The following NKIRAS1 variants were observed in gnomAD, a reference collection of about 807,000 sequenced individuals.
NKIRAS1 encodes NF-kappa-B inhibitor-interacting Ras-like protein 1.
Under a neutral mutation model 19.8 loss-of-function variants are expected in NKIRAS1, and 16 were observed. That is an observed-to-expected ratio of 0.81 (90% CI 0.55 to 1.23). NKIRAS1 has a LOEUF of 1.23. NKIRAS1 is among the 50% of genes most tolerant of loss of function. The probability of loss-of-function intolerance (pLI) is 0.00; values close to 1 mark genes in which losing one functional copy is unlikely to be tolerated. For missense variants in NKIRAS1, 184 were observed against 220.0 expected (o/e 0.84, Z 1.04); for synonymous variants, 88 against 79.0 (o/e 1.11, Z -0.61).
At chr3:23,918,076 G>C (rs774223746), upstream of NKIRAS1, 2 of 1,576,128 alleles carry the variant, frequency 1.3e-6, no homozygotes, top group South Asian at 2.3e-5. Context: ...TTATATTCGA[G>C]AAAAGTTGGA....
At chr3:23,906,122 G>A (rs1321947150) in intron 3 of NKIRAS1, among the ~76,000 whole-genome samples, 1 of 130,816 alleles carries the variant, frequency 7.6e-6, no homozygotes, top group Non-Finnish European at 1.5e-5. Flanking sequence ...TCGTGCCACT[G>A]CACTCCACCC....
At chr3:23,920,491 CTA>C (rs769278191), upstream of NKIRAS1, 11 of 984,990 alleles carry the variant, frequency 1.1e-5, no homozygotes, top group Non-Finnish European at 1.3e-5. Context: ...CCCACTTTGA[CTA>C]TGAGTATACC....
chr3:23,896,242 C>G (rs1241632188), intron 4 of NKIRAS1, among the ~76,000 whole-genome samples: 1 of 151,992 alleles, frequency 6.6e-6, no homozygotes, highest in Non-Finnish European at 1.5e-5. Flanking sequence ...CTCCTTCACC[C>G]GGACAAGGGT....
chr3:23,900,181 A>C (rs1057455931), intron 4 of NKIRAS1, among the ~76,000 whole-genome samples: 1 of 151,854 alleles, frequency 6.6e-6, no homozygotes, highest in African/African-American at 2.4e-5. Flanking sequence ...AAAAACAAAA[A>C]CCCAAGGAAA....
chr3:23,918,942 T>C (rs907442204), upstream of NKIRAS1: 1 of 544,580 alleles, frequency 1.8e-6, no homozygotes, highest in Non-Finnish European at 3.2e-6. Flanking sequence ...TACCCAGATA[T>C]TAACATATTC....
chr3:23,929,839 T>C (rs1324215401), intron 1 of NKIRAS1, among the ~76,000 whole-genome samples: 1 of 152,128 alleles, frequency 6.6e-6, no homozygotes, highest in African/African-American at 2.4e-5. Flanking sequence ...TACAGGAAAT[T>C]TGGAAAATCT....
chr3:23,907,093 C>G lies in NKIRAS1; in HGVS notation c.94+3718G>C, dbSNP rs556521419. On this transcript the variant is annotated intron_variant, in intron 3 of 4. Coordinates refer to ENST00000425478, the MANE Select transcript of NKIRAS1 (RefSeq NM_020345.4). ...ATTTTTAGTAGAGATGGGGTTTCGC[C>G]ATGTTGGCCATGCTGGTCTTGAACT... Among the ~76,000 whole-genome samples the G allele has an allele frequency of 6.6e-5, 10 of 152,222 alleles. No homozygotes were observed. The South Asian group carries it at 2.1e-3, about 32-fold the overall frequency.
intron 1 of NKIRAS1, among the ~76,000 whole-genome samples, chr3:23,915,652 C>T (rs1704291259): frequency 6.6e-6 from 1 of 152,196 alleles, no homozygotes; most frequent in Admixed American, 6.5e-5. Flanking sequence ...GAACCTTCAC[C>T]TCTCCGACGT....
intron 1 of NKIRAS1, among the ~76,000 whole-genome samples, chr3:23,940,891 C>T (rs1361545592): frequency 6.6e-6 from 1 of 152,214 alleles, no homozygotes; most frequent in Admixed American, 6.5e-5. Flanking sequence ...TCACAGCAAA[C>T]TGCCAGAGCT....
chr3:23,920,200 C>G (rs1216239666), upstream of NKIRAS1: 1 of 985,588 alleles, frequency 1.0e-6, no homozygotes. Flanking sequence ...TGAGCTTAGA[C>G]GTCAACCCTA....
At chr3:23,901,538 C>T (rs1000483359) in intron 3 of NKIRAS1, among the ~76,000 whole-genome samples, 5 of 152,158 alleles carry the variant, frequency 3.3e-5, no homozygotes, top group African/African-American at 4.8e-5. Context: ...AAATCCCCTT[C>T]TTGTTTATGA....
chr3:23,918,730 G>T, upstream of NKIRAS1: 1 of 879,070 alleles, frequency 1.1e-6, no homozygotes, highest in Non-Finnish European at 1.7e-6. Flanking sequence ...GTAATTGCTT[G>T]AAAGACTTGT....
Position 23,926,286 on chromosome 3 carries a change from A to T in NKIRAS1, c.-139-14836T>A, listed in dbSNP as rs1705210607. Among the ~76,000 whole-genome samples the T allele has an allele frequency of 6.6e-6, 1 of 152,182 alleles. No homozygotes were observed. The highest frequency in any genetic ancestry group is 2.4e-5 in the African/African-American group (1 of 41,448). On this transcript the variant is annotated intron_variant, in intron 1 of 4. Coordinates refer to the NKIRAS1 transcript ENST00000421515. The surrounding 1 kb of genome is among the most constrained non-coding windows in gnomAD (Gnocchi z 4.3). ...AGGCTGGTCTCAAACGCCTGACCTTAGGTGATCCACCTGCCTTGGACTCCC... is the reference window on the plus strand; with the variant it reads ...AGGCTGGTCTCAAACGCCTGACCTTTGGTGATCCACCTGCCTTGGACTCCC...
rs1055709138 is a variant in NKIRAS1, at chr3:23,891,799, C to T, written c.*1296G>A. ...TTGCATTAGTAGGAAACAAAGCAAA[C>T]TGGAAGGTACTTATTTAAAAATCAT... is the stretch of plus-strand genomic sequence containing the variant. On this transcript the variant is annotated 3_prime_UTR_variant, in exon 5 of 5. Transcript: ENST00000425478. The T allele has an allele frequency of 2.0e-5, 3 of 152,138 alleles. No individual in the cohort carries two copies. Among genetic ancestry groups the T allele is most frequent in the Admixed American group, 2.0e-4 (3 of 15,276 alleles). The allele number at this position is 152,138 out of a possible 1,614,324, so 9.4% of individuals were successfully genotyped here. A position where few individuals can be genotyped will look rare whatever the true frequency, so the allele number is the denominator to read the frequency against.
rs1032806819 is a variant in NKIRAS1 at position 23,892,009 on chromosome 3, C to T, written c.*1086G>A. On this transcript the variant is annotated 3_prime_UTR_variant, in exon 5 of 5. Coordinates refer to ENST00000425478, the MANE Select transcript of NKIRAS1 (RefSeq NM_020345.4). ...GCAGCAATAGCTGATTTGTAAGTATCGTCTTTTATATGTAGTAGTTCTTCA... is the reference window on the plus strand; with the variant it reads ...GCAGCAATAGCTGATTTGTAAGTATTGTCTTTTATATGTAGTAGTTCTTCA... 2.6e-5 allele frequency: 4 copies of T among 152,076 alleles called. No homozygotes were observed. Among genetic ancestry groups the T allele is most frequent in the African/African-American group, 9.7e-5 (4 of 41,402 alleles). 9.4% of individuals were successfully genotyped at this position (152,076 alleles called of 1,614,324 possible).
In NKIRAS1 at chr3:23,901,014, T is replaced by A. The variant is rs757263141; in HGVS notation, c.130A>T (p.Met44Leu). 2.3e-5 allele frequency: 37 copies of A among 1,614,132 alleles called. 1 individual carries two copies. The highest frequency in any genetic ancestry group is 3.1e-5 in the Non-Finnish European group (37 of 1,179,990). ...CCTCGGTCTGTTTCTACTGAAGCCA[T>A]GTATACATCTTCCATTGTTTCGCAA... ...EDCETMEDVY[M>L]ASVETDRGVK... The change falls in exon 4 of 5, where the codon ATG (methionine) becomes TTG (leucine). Residue 44 changes from methionine to leucine, a missense_variant. Physicochemically the swap from Met to Leu is conservative, Grantham distance 15. Coordinates refer to ENST00000425478, the MANE Select transcript of NKIRAS1 (RefSeq NM_020345.4).
At chr3:23,899,716 C>T (rs1302268403) in intron 4 of NKIRAS1, among the ~76,000 whole-genome samples, 1 of 152,226 alleles carries the variant, frequency 6.6e-6, no homozygotes, top group Non-Finnish European at 1.5e-5. Context: ...ATGAAAAGGA[C>T]AGGCATGGGC....
chr3:23,945,500 GCGCGGCGCTGA>G, intron 1 of NKIRAS1: 3 of 910,298 alleles, frequency 3.3e-6, no homozygotes, highest in Non-Finnish European at 4.1e-6. Flanking sequence ...GCCCGGGGCG[GCGCGGCGCTGA>G]GGCGGCGGCG....
chr3:23,939,060 T>C (rs1482284836), intron 1 of NKIRAS1, among the ~76,000 whole-genome samples: 1 of 152,228 alleles, frequency 6.6e-6, no homozygotes, highest in Non-Finnish European at 1.5e-5. Context: ...GGCTTCATCA[T>C]AGATAACAAA....
Sources: gnomAD v4.1 joint callset for allele counts (sites outside exome capture counted in the v4.1 genomes callset) on GRCh38, gnomAD v4.1.1 for gene constraint, Gnocchi (gnomAD v3.1) non-coding constraint, MANE v1.5 for transcripts, NCBI Gene and HGNC (gene_info 2026-07-23, HGNC 2026-07-21) for gene names.